PKP1: variants seen among roughly 807,000 people sequenced by gnomAD.
PKP1 encodes the protein plakophilin 1.
PKP1 carries 27 observed loss-of-function variants against 76.4 expected under a neutral mutation model. That is an observed-to-expected ratio of 0.35 (90% CI 0.26 to 0.49). The LOEUF (loss-of-function observed/expected upper bound fraction) is 0.49, where lower values mean the gene tolerates loss of function less well. Ranked by LOEUF, PKP1 falls within the 20% of genes least tolerant of loss-of-function variation. The pLI, the probability that PKP1 is intolerant of heterozygous loss-of-function variation, is 0.99. For synonymous variants in PKP1, 404 were observed against 384.2 expected, an observed-to-expected ratio of 1.05 and a Z score of -0.60; for missense variants, 964 against 955.2, an observed-to-expected ratio of 1.01 and a Z score of -0.12.
chr1:201,297,161 T>C (rs1246318235), intron 2 of PKP1, among the ~76,000 whole-genome samples: 2 of 152,212 alleles, frequency 1.3e-5, no homozygotes, highest in African/African-American at 2.4e-5. Flanking sequence ...GACTTTCTTA[T>C]AATAAAATAA....
At position 201,283,665 on chromosome 1, in the gene PKP1, C is replaced by T. The variant is rs1409311155; in HGVS notation, c.-38C>T. The T allele has an allele frequency of 6.3e-7, 1 of 1,585,922 alleles. No homozygotes were observed. The highest frequency in any genetic ancestry group is 2.3e-5 in the East Asian group (1 of 43,632). On this transcript the variant is annotated 5_prime_UTR_variant, in exon 1 of 14. Transcript: ENST00000367324. Reference sequence around the variant, plus strand: ...GCACCTCGCCTCGCCTCTCTGCTCTCCTAGGCCCCGGCCGCGCGCCACCCG... The same window carrying T: ...GCACCTCGCCTCGCCTCTCTGCTCTTCTAGGCCCCGGCCGCGCGCCACCCG...
intron 7 of PKP1, 140 bp from the exon 8 acceptor site, chr1:201,321,838 G>A: frequency 1.1e-6 from 1 of 911,052 alleles, no homozygotes; most frequent in South Asian, 1.5e-5. Flanking sequence ...TTCCCAGGCT[G>A]ATAGTGTGGT....
chr1:201,296,152 A>G (rs1345092184), intron 2 of PKP1, among the ~76,000 whole-genome samples: 1 of 152,024 alleles, frequency 6.6e-6, no homozygotes, highest in Non-Finnish European at 1.5e-5. Context: ...AGTTCAGGAG[A>G]GGCTGTGGGA....
chr1:201,293,630 C>T (rs1481630159), intron 1 of PKP1, among the ~76,000 whole-genome samples: 1 of 152,164 alleles, frequency 6.6e-6, no homozygotes, highest in Non-Finnish European at 1.5e-5. Context: ...CTCCAAGGCC[C>T]TCCAGACCAA....
intron 3 of PKP1, among the ~76,000 whole-genome samples, chr1:201,313,937 C>T (rs12120467): frequency 0.14 from 21,857 of 152,208 alleles, 2,096 homozygotes; most frequent in African/African-American, 0.28. Context: ...CTCAGAAACA[C>T]TGGGAGAGGG....
intron 5 of PKP1, 136 bp downstream of exon 5, chr1:201,317,915 T>A (rs1454028788): frequency 1.2e-6 from 1 of 855,626 alleles, no homozygotes; most frequent in Non-Finnish European, 1.9e-6. Flanking sequence ...AGGGCTAATA[T>A]CCTGAGAGTT....
intron 1 of PKP1, 147 bp downstream of exon 1, chr1:201,284,051 GCAGCCGAGCTCC>G (rs1655653992): frequency 1.3e-6 from 1 of 779,896 alleles, no homozygotes; most frequent in African/African-American, 1.7e-5. Flanking sequence ...CCTAGTGCGA[GCAGCCGAGCTCC>G]CAGCCGGTTC....
chr1:201,284,546 G>C (rs1011767971), intron 1 of PKP1, among the ~76,000 whole-genome samples: 1 of 152,224 alleles, frequency 6.6e-6, no homozygotes, highest in African/African-American at 2.4e-5. Flanking sequence ...GAGCAGGGAC[G>C]AGGGCCTGGA....
intron 1 of PKP1, among the ~76,000 whole-genome samples, chr1:201,290,248 A>G (rs1282115517): frequency 6.6e-6 from 1 of 152,124 alleles, no homozygotes; most frequent in Non-Finnish European, 1.5e-5. Flanking sequence ...TGTTGCTTGT[A>G]TACCTGGGAA....
At chr1:201,319,775 C>G in intron 6 of PKP1, 2 of 1,609,594 alleles carry the variant, frequency 1.2e-6, no homozygotes, top group Non-Finnish European at 1.7e-6. Context: ...CCCAGATCCA[C>G]TTCTGATCCA....
In PKP1 at chr1:201,283,793, A is replaced by G. The variant is rs370900946; in HGVS notation, c.91A>G (p.Met31Val). Residue 31 changes from methionine (M) to valine (V), a missense_variant, in exon 1 of 14, where the codon ATG (methionine) becomes GTG (valine). Physicochemically the swap from Met to Val is conservative, Grantham distance 21. Coordinates refer to ENST00000367324, the MANE Select transcript of PKP1 (RefSeq NM_001005337.3). ...STLALPSDQK[M>V]KTGTSGRQRV... ...GTTGGCTTTGCCGTCGGACCAAAAG[A>G]TGAAAACAGGCACGTCTGGCAGGCA... 3.1e-6 allele frequency: 5 copies of G among 1,614,154 alleles called. No homozygotes were observed. The highest frequency in any genetic ancestry group is 4.2e-6 in the Non-Finnish European group (5 of 1,180,000).
intron 4 of PKP1, among the ~76,000 whole-genome samples, chr1:201,317,226 C>T (rs1656778773): frequency 6.6e-6 from 1 of 152,120 alleles, no homozygotes; most frequent in Non-Finnish European, 1.5e-5. Flanking sequence ...CTGTGTTCTG[C>T]TTTAGGGTTT....
At chr1:201,324,345 C>A in intron 9 of PKP1, 83 bp from the exon 10 acceptor site, 1 of 1,437,000 alleles carries the variant, frequency 7.0e-7, no homozygotes, top group Non-Finnish European at 9.8e-7. Context: ...GGATGTCTGC[C>A]TTTGGGGCTC....
rs1206928007 is a variant in PKP1 at position 201,318,806 on chromosome 1, A to G, written c.1232+11A>G. 6.3e-7 allele frequency: 1 copy of G among 1,585,728 alleles called. No homozygotes were observed. Among genetic ancestry groups the G allele is most frequent in the African/African-American group, 1.3e-5 (1 of 74,456 alleles). ...CACAGGCTGCTTGAGGTGAGAGAAGAGGATACATGGGGTCTTTTTGTCCCA... is the reference window on the plus strand; with the variant it reads ...CACAGGCTGCTTGAGGTGAGAGAAGGGGATACATGGGGTCTTTTTGTCCCA... On this transcript the variant is annotated intron_variant, in intron 6 of 13. Coordinates refer to ENST00000367324, the MANE Select transcript of PKP1 (RefSeq NM_001005337.3).
intron 2 of PKP1, among the ~76,000 whole-genome samples, chr1:201,311,370 G>A (rs752000586): frequency 6.6e-6 from 1 of 152,238 alleles, no homozygotes. Flanking sequence ...TCTCTTTGGA[G>A]TAGGTTGGTT....
At chr1:201,286,677 G>T (rs1043022312) in intron 1 of PKP1, among the ~76,000 whole-genome samples, 3 of 152,182 alleles carry the variant, frequency 2.0e-5, no homozygotes, top group African/African-American at 7.2e-5. Flanking sequence ...GAAGGAGGTT[G>T]CTCTGAACCT....
Position 201,328,823 on chromosome 1 carries a change from C to T in PKP1, c.2168C>T (p.Thr723Ile), listed in dbSNP as rs754535258. The T allele has an allele frequency of 1.9e-6, 3 of 1,613,692 alleles. No individual in the cohort carries two copies. The highest frequency in any genetic ancestry group is 4.5e-5 in the East Asian group (2 of 44,890). The part of the protein sequence containing the change: ...LAGANSLRNF[T>I]SRF ...GGGGCCAACAGCCTCAGGAACTTCA[C>T]CTCCCGATTCTAAGAAGAGACTGTC... Residue 723 changes from threonine to isoleucine, a missense_variant, in exon 13 of 14, where the codon ACC becomes ATC. Physicochemically the swap from Thr to Ile is moderately conservative, Grantham distance 89. Transcript: ENST00000367324.
chr1:201,294,224 C>T (rs1188951164), intron 2 of PKP1, among the ~76,000 whole-genome samples, 179 bp downstream of exon 2: 2 of 152,108 alleles, frequency 1.3e-5, no homozygotes, highest in East Asian at 1.9e-4. Context: ...AGGTGGCTCT[C>T]GTTTGGGCTG....
At chr1:201,301,417 T>G (rs1656226793) in intron 2 of PKP1, among the ~76,000 whole-genome samples, 1 of 152,178 alleles carries the variant, frequency 6.6e-6, no homozygotes, top group Non-Finnish European at 1.5e-5. Flanking sequence ...AATCAACAAC[T>G]AATCTTCCTC....
Sources: allele counts gnomAD v4.1 joint callset (sites outside exome capture counted in the v4.1 genomes callset), GRCh38; gene constraint gnomAD v4.1.1; transcripts MANE v1.5; gene names NCBI Gene and HGNC (gene_info 2026-07-23, HGNC 2026-07-21).